The following STPG2 variants were observed in gnomAD, a reference collection of about 807,000 sequenced individuals.
STPG2 encodes the protein sperm tail PG-rich repeat containing 2, also known as sperm-tail PG-rich repeat-containing protein 2.
In STPG2, 56 loss-of-function variants were observed where a neutral mutation model predicts 54.2. The observed-to-expected ratio is 1.03, with a 90% CI of 0.83 to 1.29. The LOEUF is 1.29. STPG2 is among the 50% of genes most tolerant of loss of function. The pLI, the probability that STPG2 is intolerant of heterozygous loss-of-function variation, is 0.00. For synonymous variants in STPG2, 200 were observed against 181.8 expected, an observed-to-expected ratio of 1.10 and a Z score of -0.81; for missense variants, 596 against 544.9, an observed-to-expected ratio of 1.09 and a Z score of -0.93.
rs140787777 is a variant in STPG2, at chr4:97,859,651, G to T, written c.1045-18719C>A. Among the ~76,000 whole-genome samples, 253 of 152,078 alleles carry T rather than the reference G, an allele frequency of 1.7e-3. 6 individuals carry two copies. The East Asian group carries it at 0.048, about 29-fold the overall frequency. On this transcript the variant is annotated intron_variant, in intron 8 of 10. Transcript: ENST00000295268. Reference sequence around the variant, plus strand: ...AGCTAATTTTTGTATTTTTAGTAGAGATGGGGATTCACCATGTTGGCCAGG... The same window carrying T: ...AGCTAATTTTTGTATTTTTAGTAGATATGGGGATTCACCATGTTGGCCAGG...
chr4:97,879,628 G>C (rs539982782), intron 8 of STPG2, among the ~76,000 whole-genome samples: 4 of 152,186 alleles, frequency 2.6e-5, no homozygotes, highest in African/African-American at 9.6e-5. Flanking sequence ...GCAACACATG[G>C]GAATTATGGG....
intron 8 of STPG2, among the ~76,000 whole-genome samples, chr4:97,907,297 A>T (rs1731470942): frequency 6.6e-6 from 1 of 152,014 alleles, no homozygotes; most frequent in African/African-American, 2.4e-5. Context: ...ATACCTAGGA[A>T]TCCAACTTAC....
intron 5 of STPG2, among the ~76,000 whole-genome samples, chr4:98,000,333 T>A (rs1344801890): frequency 6.6e-6 from 1 of 152,152 alleles, no homozygotes; most frequent in Non-Finnish European, 1.5e-5. Context: ...ATTTTCAGGC[T>A]ACTTCTATCA....
At chr4:98,028,244 A>T (rs1192243956) in intron 5 of STPG2, among the ~76,000 whole-genome samples, 1 of 152,216 alleles carries the variant, frequency 6.6e-6, no homozygotes, top group East Asian at 1.9e-4. Flanking sequence ...GATAGGTTGG[A>T]AATTTCCCGC....
intron 10 of STPG2, among the ~76,000 whole-genome samples, chr4:97,594,909 C>G (rs1578412276): frequency 1.3e-5 from 2 of 152,214 alleles, no homozygotes; most frequent in East Asian, 3.9e-4. Context: ...GATACCATCT[C>G]ACACCAGTTA....
Position 97,670,270 on chromosome 4 carries a change from T to A in STPG2, c.1320+42429A>T, listed in dbSNP as rs559081410. ...CTTCTCAGTGGGACAATATTGATTATCTAATAAGTGATTATAAAATAAGCC... is the reference window on the plus strand; with the variant it reads ...CTTCTCAGTGGGACAATATTGATTAACTAATAAGTGATTATAAAATAAGCC... On this transcript the variant is annotated intron_variant, in intron 10 of 10. Coordinates refer to ENST00000295268, the MANE Select transcript of STPG2 (RefSeq NM_174952.3). Among the ~76,000 whole-genome samples the A allele has an allele frequency of 1.5e-3, 234 of 152,248 alleles. 1 individual carries two copies. Among genetic ancestry groups the A allele is most frequent in the African/African-American group, 5.4e-3 (224 of 41,572 alleles).
chr4:97,727,997 T>C (rs769483793), intron 9 of STPG2, among the ~76,000 whole-genome samples: 3 of 152,000 alleles, frequency 2.0e-5, no homozygotes, highest in Non-Finnish European at 4.4e-5. Flanking sequence ...TTGGATATTA[T>C]GGAACTGTGC....
chr4:97,781,825 A>G (rs555239408), intron 9 of STPG2, among the ~76,000 whole-genome samples: 1 of 152,126 alleles, frequency 6.6e-6, no homozygotes, highest in Non-Finnish European at 1.5e-5. Context: ...GAACCAAAGA[A>G]AAAAACCACA....
At chr4:97,655,635 T>C (rs1167401354) in intron 10 of STPG2, among the ~76,000 whole-genome samples, 1 of 152,042 alleles carries the variant, frequency 6.6e-6, no homozygotes, top group African/African-American at 2.4e-5. Flanking sequence ...TAATAATGCC[T>C]ACAGCACCAA....
intron 4 of STPG2, among the ~76,000 whole-genome samples, chr4:97,527,971 T>C (rs1731321663): frequency 6.6e-6 from 1 of 152,188 alleles, no homozygotes; most frequent in Non-Finnish European, 1.5e-5. Context: ...CTGATGCTAG[T>C]TTCTTTTGTT....
chr4:97,959,631 C>T (rs985704701), intron 7 of STPG2, among the ~76,000 whole-genome samples: 3 of 151,642 alleles, frequency 2.0e-5, no homozygotes, highest in African/African-American at 7.3e-5. Context: ...TGGAAAGATA[C>T]AACCAACCTA....
intron 1 of STPG2, among the ~76,000 whole-genome samples, chr4:98,140,050 A>G (rs180810654): frequency 6.6e-6 from 1 of 152,332 alleles, no homozygotes; most frequent in Admixed American, 6.5e-5. Context: ...GTCATTAAGG[A>G]GTCAGAGAAG....
chr4:97,441,457 T>C (rs1297365076), intron 4 of STPG2: 1 of 151,988 alleles, frequency 6.6e-6, no homozygotes, highest in Non-Finnish European at 1.5e-5. Flanking sequence ...TGGAGGACAT[T>C]ATCAACATGG....
chr4:97,603,595 A>G (rs1362900816), intron 10 of STPG2, among the ~76,000 whole-genome samples: 1 of 151,372 alleles, frequency 6.6e-6, no homozygotes, highest in Non-Finnish European at 1.5e-5. Context: ...ACACAATGTG[A>G]TATATCTATA....
At chr4:97,761,920 G>A (rs1412990083) in intron 9 of STPG2, among the ~76,000 whole-genome samples, 1 of 151,980 alleles carries the variant, frequency 6.6e-6, no homozygotes, top group African/African-American at 2.4e-5. Flanking sequence ...TCATATGTGT[G>A]GCTATTTTAA....
intron 6 of STPG2, among the ~76,000 whole-genome samples, chr4:97,973,864 G>A (rs535617537): frequency 1.1e-4 from 16 of 152,316 alleles, no homozygotes; most frequent in Non-Finnish European, 1.9e-4. Flanking sequence ...CCTCTGCTAG[G>A]GGATTGTAGA....
intron 9 of STPG2, among the ~76,000 whole-genome samples, chr4:97,798,310 G>A (rs1444559000): frequency 6.6e-6 from 1 of 152,068 alleles, no homozygotes; most frequent in Non-Finnish European, 1.5e-5. Context: ...ACTTTCTCAT[G>A]TGGGCATATA....
intron 8 of STPG2, among the ~76,000 whole-genome samples, chr4:97,915,376 A>T (rs1731836894): frequency 6.6e-6 from 1 of 152,258 alleles, no homozygotes; most frequent in African/African-American, 2.4e-5. Context: ...TGTAACATCC[A>T]TTTTATATAG....
chr4:97,613,265 C>T (rs1190414880), intron 10 of STPG2, among the ~76,000 whole-genome samples: 1 of 151,996 alleles, frequency 6.6e-6, no homozygotes, highest in African/African-American at 2.4e-5. Flanking sequence ...TTATCATGAC[C>T]TTGGCAGTAT....
Sources: gnomAD v4.1 joint callset for allele counts (sites outside exome capture counted in the v4.1 genomes callset) on GRCh38, gnomAD v4.1.1 for gene constraint, MANE v1.5 for transcripts, NCBI Gene and HGNC (gene_info 2026-07-23, HGNC 2026-07-21) for gene names.